SAP30BP: variants seen among roughly 807,000 people sequenced by gnomAD.
SAP30BP encodes SAP30 binding protein, also known as SAP30-binding protein.
SAP30BP carries 31 observed loss-of-function variants against 46.3 expected under a neutral mutation model. The observed-to-expected ratio is 0.67, with a 90% confidence interval of 0.50 to 0.90. The LOEUF (loss-of-function observed/expected upper bound fraction) is 0.90, where lower values mean the gene tolerates loss of function less well. SAP30BP is among the 40% of genes least tolerant of loss of function. The pLI, the probability that SAP30BP is intolerant of heterozygous loss-of-function variation, is 0.00. For missense variants in SAP30BP, 312 were observed against 391.0 expected (o/e 0.80, Z 1.70); for synonymous variants, 169 against 144.2 (o/e 1.17, Z -1.23).
intron 3 of SAP30BP, among the ~76,000 whole-genome samples, chr17:75,680,135 C>G (rs188073507): frequency 1.3e-5 from 2 of 152,004 alleles, no homozygotes; most frequent in African/African-American, 4.8e-5. Flanking sequence ...CTGGGATCGC[C>G]GGCCTCCCTG....
intron 1 of SAP30BP, 91 bp from the exon 2 acceptor site, chr17:75,668,425 C>T: frequency 2.8e-6 from 2 of 724,062 alleles, no homozygotes; most frequent in Non-Finnish European, 4.4e-6. Context: ...TAGTCTTGGC[C>T]ACTCAAATCT....
intron 3 of SAP30BP, chr17:75,684,121 A>G (rs1389205376): frequency 6.6e-6 from 1 of 152,238 alleles, no homozygotes; most frequent in Non-Finnish European, 1.5e-5. Context: ...AGTTGGGAAT[A>G]ACTGGATAAC....
chr17:75,704,629 A>G (rs1292765742), intron 8 of SAP30BP, 127 bp from the exon 9 acceptor site: 2 of 749,650 alleles, frequency 2.7e-6, no homozygotes, highest in East Asian at 5.1e-5. Flanking sequence ...CATTTTGCCA[A>G]GCACAAAGAA....
chr17:75,704,304 C>G (rs1160605039), intron 8 of SAP30BP, among the ~76,000 whole-genome samples: 1 of 152,208 alleles, frequency 6.6e-6, no homozygotes, highest in East Asian at 1.9e-4. Context: ...GGAGAAATGT[C>G]AAAGGGCCCA....
intron 3 of SAP30BP, among the ~76,000 whole-genome samples, chr17:75,688,644 T>C (rs2060196882): frequency 6.6e-6 from 1 of 152,112 alleles, no homozygotes; most frequent in Admixed American, 6.6e-5. Context: ...TGGCTGTAAA[T>C]AAACCTCCAT....
At chr17:75,693,904 A>G (rs1419833598) in intron 4 of SAP30BP, among the ~76,000 whole-genome samples, 2 of 152,198 alleles carry the variant, frequency 1.3e-5, no homozygotes, top group Non-Finnish European at 2.9e-5. Context: ...CCCAGGCAGG[A>G]ACATGCCTCA....
At chr17:75,680,205 C>T (rs2060055539) in intron 3 of SAP30BP, among the ~76,000 whole-genome samples, 1 of 152,124 alleles carries the variant, frequency 6.6e-6, no homozygotes, top group Non-Finnish European at 1.5e-5. Context: ...AGAATCCTCC[C>T]AGCCCAGGAG....
At chr17:75,669,057 G>A (rs1434208758) in intron 2 of SAP30BP, among the ~76,000 whole-genome samples, 1 of 150,494 alleles carries the variant, frequency 6.6e-6, no homozygotes, top group Non-Finnish European at 1.5e-5. Flanking sequence ...AGGAAAATTC[G>A]TTTTCACCTG....
At chr17:75,673,891 C>T (rs746032951) in intron 3 of SAP30BP, among the ~76,000 whole-genome samples, 14 of 152,212 alleles carry the variant, frequency 9.2e-5, no homozygotes, top group Non-Finnish European at 1.8e-4. Context: ...ATGTGCTTCG[C>T]TGTTCCTCAT....
chr17:75,684,034 TACCCAGTG>T (rs1166278910), intron 3 of SAP30BP: 2 of 152,232 alleles, frequency 1.3e-5, no homozygotes, highest in African/African-American at 4.8e-5. Context: ...ACTGTTGGCT[TACCCAGTG>T]GTTGAACCAA....
chr17:75,671,382 A>T (rs2059905401), intron 2 of SAP30BP, among the ~76,000 whole-genome samples: 1 of 152,216 alleles, frequency 6.6e-6, no homozygotes, highest in African/African-American at 2.4e-5. Flanking sequence ...TCCGAGTCTG[A>T]TGTACATGTG....
At chr17:75,675,149 T>C (rs551574620) in intron 3 of SAP30BP, among the ~76,000 whole-genome samples, 1 of 152,272 alleles carries the variant, frequency 6.6e-6, no homozygotes, top group South Asian at 2.1e-4. Context: ...TTGTTGTTTT[T>C]TTGTTTTGTT....
At position 75,707,435 on chromosome 17, in the gene SAP30BP, C is replaced by T. The variant is rs376525684; in HGVS notation, c.*914C>T. 2 of 152,726 alleles carry T rather than the reference C, an allele frequency of 1.3e-5. No individual in the cohort carries two copies. The highest frequency in any genetic ancestry group is 1.9e-4 in the East Asian group (1 of 5,196). The allele number at this position is 152,726 out of a possible 1,614,324, so 9.5% of individuals were successfully genotyped here. ...CGGGGTTGAAACGGGTTTCCCAGAC[C>T]AGGGGTTCAGAGGAGACTATTTACC... On this transcript the variant is annotated 3_prime_UTR_variant, in exon 11 of 11. Coordinates refer to ENST00000584667, the MANE Select transcript of SAP30BP (RefSeq NM_013260.8).
At chr17:75,667,532 T>C in intron 1 of SAP30BP, 54 bp downstream of exon 1, 1 of 1,526,970 alleles carries the variant, frequency 6.5e-7, no homozygotes. Flanking sequence ...CCCGGAATGC[T>C]GTACCCTCGC....
At position 75,706,028 on chromosome 17, in the gene SAP30BP, C is replaced by T. The variant is rs187342769; in HGVS notation, c.681C>T (p.Thr227=). 5.5e-5 allele frequency: 89 copies of T among 1,613,576 alleles called. 1 individual carries two copies. The Admixed American group carries it at 8.5e-4, about 15-fold the overall frequency. ...ERTKIEFVTG[T]KKGTTTNATS... ...TCCAGATTGAGTTTGTGACGGGCAC[C>T]AAAAAAGGCACCACGACCAACGCCA... The change falls in exon 10 of 11, where the codon ACC becomes ACT. Residue 227 remains threonine, a synonymous_variant. Transcript: ENST00000584667. This position sits in a 1 kb window ranked among gnomAD's most constrained non-coding sequence, Gnocchi z 4.6.
chr17:75,681,150 A>T (rs1294823728), intron 3 of SAP30BP, among the ~76,000 whole-genome samples: 5 of 152,196 alleles, frequency 3.3e-5, no homozygotes, highest in Admixed American at 1.3e-4. Flanking sequence ...AATATGTGTA[A>T]GTGTGTGTGG....
intron 2 of SAP30BP, among the ~76,000 whole-genome samples, chr17:75,669,826 T>G (rs1311107148): frequency 6.6e-6 from 1 of 152,206 alleles, no homozygotes; most frequent in East Asian, 1.9e-4. Context: ...AGAAAGTCTT[T>G]AGACACATAA....
chr17:75,683,965 C>T (rs2060121705), intron 3 of SAP30BP: 1 of 152,228 alleles, frequency 6.6e-6, no homozygotes, highest in African/African-American at 2.4e-5. Context: ...TTAATACCTG[C>T]TTCACTCTGA....
intron 3 of SAP30BP, among the ~76,000 whole-genome samples, chr17:75,678,479 C>CACAT (rs2060025932): frequency 6.6e-6 from 1 of 151,788 alleles, no homozygotes; most frequent in Non-Finnish European, 1.5e-5. Flanking sequence ...CACACACACA[C>CACAT]ACACACACAC....
Sources: allele counts gnomAD v4.1 joint callset (sites outside exome capture counted in the v4.1 genomes callset), GRCh38; gene constraint gnomAD v4.1.1; non-coding constraint Gnocchi (gnomAD v3.1); transcripts MANE v1.5; gene names NCBI Gene and HGNC (gene_info 2026-07-23, HGNC 2026-07-21).